The following GAD2 variants were observed in gnomAD, a reference collection of about 807,000 sequenced individuals.
GAD2 encodes 65 kDa glutamic acid decarboxylase.
A neutral mutation model predicts 80.1 loss-of-function variants in GAD2; 22 were observed. That is an observed-to-expected ratio of 0.27 (90% CI 0.20 to 0.39). GAD2 has a LOEUF of 0.39. Ranked by LOEUF, GAD2 falls within the 10% of genes least tolerant of loss-of-function variation. The pLI, the probability that GAD2 is intolerant of heterozygous loss-of-function variation, is 1.00. For synonymous variants in GAD2, 274 were observed against 256.9 expected (o/e 1.07, Z -0.64); for missense variants, 624 against 738.4 (o/e 0.85, Z 1.80).
intron 8 of GAD2, among the ~76,000 whole-genome samples, chr10:26,262,281 T>C (rs1845018427): frequency 6.6e-6 from 1 of 151,448 alleles, no homozygotes; most frequent in Non-Finnish European, 1.5e-5. Flanking sequence ...TTTTTTTTTT[T>C]TCAATTTTTC....
chr10:26,298,007 A>T (rs1472496959), intron 15 of GAD2, among the ~76,000 whole-genome samples: 2 of 152,244 alleles, frequency 1.3e-5, no homozygotes, highest in African/African-American at 4.8e-5. Flanking sequence ...ACTGTAGGAC[A>T]TAAACACAGT....
chr10:26,270,808 G>A (rs375242505), intron 10 of GAD2, 52 bp downstream of exon 10: 1 of 1,132,040 alleles, frequency 8.8e-7, no homozygotes, highest in African/African-American at 1.5e-5. Context: ...CGTTTTTCAT[G>A]TGGGACACAC....
chr10:26,236,979 G>A (rs898578840), intron 7 of GAD2, among the ~76,000 whole-genome samples: 8 of 152,182 alleles, frequency 5.3e-5, no homozygotes, highest in African/African-American at 1.9e-4. Context: ...CTCTCCTGGG[G>A]ATATTCCCAT....
chr10:26,216,793 T>C lies in GAD2; in HGVS notation c.-17T>C. Reference sequence around the variant, plus strand: ...CAGCTCGCACTCGCAGGCGACCTGCTCCAGTCTCCAAAGCCGATGGCATCT... The same window carrying C: ...CAGCTCGCACTCGCAGGCGACCTGCCCCAGTCTCCAAAGCCGATGGCATCT... On this transcript the variant is annotated 5_prime_UTR_variant, in exon 1 of 16. Coordinates refer to ENST00000376261, the MANE Select transcript of GAD2 (RefSeq NM_001134366.2). The surrounding 1 kb of genome is among the most constrained non-coding windows in gnomAD (Gnocchi z 4.7). 6.2e-7 allele frequency: 1 copy of C among 1,607,256 alleles called. No homozygotes were observed. The highest frequency in any genetic ancestry group is 8.5e-7 in the Non-Finnish European group (1 of 1,177,022).
intron 7 of GAD2, among the ~76,000 whole-genome samples, chr10:26,234,335 A>G (rs558297709): frequency 1.7e-3 from 217 of 126,166 alleles, no homozygotes; most frequent in African/African-American, 5.8e-3. Flanking sequence ...CAAAAAAAAA[A>G]GACAAAAAAA....
intron 11 of GAD2, among the ~76,000 whole-genome samples, chr10:26,276,178 A>AAAAT (rs1224475541): frequency 2.7e-4 from 41 of 151,998 alleles, no homozygotes; most frequent in African/African-American, 9.2e-4. Context: ...AATAAAAATA[A>AAAAT]AAATAAATAA....
At chr10:26,265,849 G>A (rs1462568623) in intron 8 of GAD2, among the ~76,000 whole-genome samples, 2 of 152,238 alleles carry the variant, frequency 1.3e-5, no homozygotes, top group Non-Finnish European at 2.9e-5. Context: ...AGGACAATCT[G>A]TTGGTTGTCA....
At chr10:26,295,172 C>T (rs1430461132) in intron 15 of GAD2, among the ~76,000 whole-genome samples, 1 of 152,074 alleles carries the variant, frequency 6.6e-6, no homozygotes, top group Non-Finnish European at 1.5e-5. Context: ...GGTTTCAGCA[C>T]CTCATATGAG....
intron 15 of GAD2, 140 bp downstream of exon 15, chr10:26,293,131 G>A (rs1834236981): frequency 3.2e-6 from 2 of 625,050 alleles, no homozygotes; most frequent in East Asian, 2.7e-5. Context: ...CTCCTACAGA[G>A]CCAGGACATA....
intron 11 of GAD2, 57 bp from the exon 12 acceptor site, chr10:26,280,952 A>C: frequency 8.8e-7 from 1 of 1,140,554 alleles, no homozygotes; most frequent in Non-Finnish European, 1.3e-6. Flanking sequence ...TCAGTTGCGC[A>C]TGCCCTGAGC....
intron 8 of GAD2, among the ~76,000 whole-genome samples, chr10:26,255,799 A>G (rs566508439): frequency 1.3e-5 from 2 of 152,286 alleles, no homozygotes; most frequent in African/African-American, 4.8e-5. Context: ...TCTTTCCCTG[A>G]GAAGCTCACA....
intron 7 of GAD2, among the ~76,000 whole-genome samples, chr10:26,245,623 C>A (rs1348428099): frequency 6.6e-6 from 1 of 151,294 alleles, no homozygotes; most frequent in Non-Finnish European, 1.5e-5. Context: ...TTTGTATTTT[C>A]AATAGAGACT....
At chr10:26,271,841 C>A (rs1225772088) in intron 10 of GAD2, among the ~76,000 whole-genome samples, 1 of 152,126 alleles carries the variant, frequency 6.6e-6, no homozygotes, top group Non-Finnish European at 1.5e-5. Context: ...CTCACCGCAA[C>A]CTCCGCCTCC....
rs570417191 is a variant in GAD2, at chr10:26,293,657, G to T, written c.1584+666G>T. 2.0e-5 allele frequency among the ~76,000 whole-genome samples: 3 copies of T among 152,244 alleles called. No homozygotes were observed. In the South Asian group the frequency reaches 6.2e-4, roughly 32 times the overall value. On this transcript the variant is annotated intron_variant, in intron 15 of 15. Coordinates refer to ENST00000376261, the MANE Select transcript of GAD2 (RefSeq NM_001134366.2). ...GTTACAAGCACAAAAGAGACTTTAG[G>T]TACCAGAAATGGTTAGCAAACAACG...
chr10:26,247,118 G>A (rs1844819349), intron 8 of GAD2, among the ~76,000 whole-genome samples: 1 of 152,216 alleles, frequency 6.6e-6, no homozygotes. Flanking sequence ...CATAGACAGA[G>A]CAGCCTGGAG....
intron 14 of GAD2, 81 bp from the exon 15 acceptor site, chr10:26,292,821 A>T: frequency 8.6e-7 from 1 of 1,166,450 alleles, no homozygotes; most frequent in Non-Finnish European, 1.3e-6. Flanking sequence ...GAACCTGCTG[A>T]ATACATCGAT....
intron 8 of GAD2, among the ~76,000 whole-genome samples, chr10:26,258,893 A>G (rs1455509251): frequency 6.6e-6 from 1 of 151,582 alleles, no homozygotes; most frequent in Non-Finnish European, 1.5e-5. Context: ...GGCTTACTGC[A>G]ACTTTTGCCT....
intron 6 of GAD2, among the ~76,000 whole-genome samples, chr10:26,225,600 C>A (rs746429414): frequency 5.3e-5 from 8 of 151,984 alleles, no homozygotes; most frequent in Non-Finnish European, 1.2e-4. Context: ...TTCAGCAAAT[C>A]TACAAAGACA....
rs1257418153 is a variant in GAD2 at position 26,301,421 on chromosome 10, G to A, written c.*460G>A. The A allele has an allele frequency of 6.6e-6, 1 of 152,100 alleles. No homozygotes were observed. The highest frequency in any genetic ancestry group is 2.4e-5 in the African/African-American group (1 of 41,358). The allele number at this position is 152,100 out of a possible 1,614,324, so 9.4% of individuals were successfully genotyped here. A position where few individuals can be genotyped will look rare whatever the true frequency, so the allele number is the denominator to read the frequency against. On this transcript the variant is annotated 3_prime_UTR_variant, in exon 16 of 16. Coordinates refer to ENST00000376261, the MANE Select transcript of GAD2 (RefSeq NM_001134366.2). ...GAAAAAAATTTCTAATTTACCTATA[G>A]CAACATTTCAAATGTATTTAAATAC...
Sources: allele counts gnomAD v4.1 joint callset (sites outside exome capture counted in the v4.1 genomes callset), GRCh38; gene constraint gnomAD v4.1.1; non-coding constraint Gnocchi (gnomAD v3.1); transcripts MANE v1.5; gene names NCBI Gene and HGNC (gene_info 2026-07-23, HGNC 2026-07-21).